The following TLK1 variants were observed in gnomAD, a reference collection of about 807,000 sequenced individuals.
TLK1 encodes tousled like kinase 1, also known as serine/threonine-protein kinase tousled-like 1.
In TLK1, 24 loss-of-function variants were observed where a neutral mutation model predicts 105.3. The ratio of observed to expected loss-of-function variants is 0.23; its 90% CI spans 0.17 to 0.32. The LOEUF (loss-of-function observed/expected upper bound fraction) is 0.32, where lower values mean the gene tolerates loss of function less well. TLK1 is among the 10% of genes least tolerant of loss of function. The pLI is 1.00. For synonymous variants in TLK1, 321 were observed against 310.4 expected (o/e 1.03, Z -0.36); for missense variants, 558 against 910.5 (o/e 0.61, Z 4.98).
At chr2:171,038,080 T>C (rs1686461370) in intron 11 of TLK1, among the ~76,000 whole-genome samples, 1 of 152,214 alleles carries the variant, frequency 6.6e-6, no homozygotes, top group Non-Finnish European at 1.5e-5. Flanking sequence ...TCAGTTTTGG[T>C]TCCACTGTAT....
rs2105368906 is a variant in TLK1 at position 171,011,530 on chromosome 2, C to CT, written c.1335-77dup. 3 of 1,177,382 alleles carry CT rather than the reference C, an allele frequency of 2.5e-6. No individual in the cohort carries two copies. In the East Asian group the frequency reaches 7.3e-5, roughly 29 times the overall value. The allele number at this position is 1,177,382 out of a possible 1,614,324, so 72.9% of individuals were successfully genotyped here. A position where few individuals can be genotyped will look rare whatever the true frequency, so the allele number is the denominator to read the frequency against. ...TCCTTCTACACTGAAGTTCTACTCT[C>CT]TTATTCTATTCCTAGCTATTTATTT... On this transcript the variant is annotated intron_variant, in intron 13 of 20. Coordinates refer to ENST00000431350, the MANE Select transcript of TLK1 (RefSeq NM_012290.5).
intron 1 of TLK1, among the ~76,000 whole-genome samples, chr2:171,145,847 T>C (rs1289444805): frequency 1.3e-5 from 2 of 152,164 alleles, no homozygotes; most frequent in Non-Finnish European, 2.9e-5. Context: ...TGGATCCATT[T>C]ATATCAAACT....
At chr2:171,020,717 G>A (rs963526736) in intron 12 of TLK1, among the ~76,000 whole-genome samples, 1 of 151,758 alleles carries the variant, frequency 6.6e-6, no homozygotes, top group African/African-American at 2.4e-5. Flanking sequence ...ATAAAAGCCA[G>A]CCAACCAACC....
At chr2:171,030,666 A>G (rs575877803) in intron 11 of TLK1, among the ~76,000 whole-genome samples, 2 of 152,364 alleles carry the variant, frequency 1.3e-5, no homozygotes, top group South Asian at 4.1e-4. Flanking sequence ...TCATAAATTC[A>G]TATTCTTAAA....
Position 171,040,566 on chromosome 2 carries a change from TTG to T in TLK1, c.1169+5606_1169+5607del, listed in dbSNP as rs1242148369. Among the ~76,000 whole-genome samples the T allele has an allele frequency of 1.8e-3, 172 of 97,204 alleles. 1 individual carries two copies. The highest frequency in any genetic ancestry group is 5.6e-3 in the African/African-American group (150 of 26,966). The allele number at this position is 97,204 out of a possible 152,430, so 63.8% of individuals were successfully genotyped here. On this transcript the variant is annotated intron_variant, in intron 11 of 20. Coordinates refer to ENST00000431350, the MANE Select transcript of TLK1 (RefSeq NM_012290.5). ...ATGTTATACAAAATATATTCCTTTT[TTG>T]TTTTTTTTTTTTTTTTTTTTTGAGA... is the stretch of plus-strand genomic sequence containing the variant.
intron 3 of TLK1, among the ~76,000 whole-genome samples, chr2:171,074,863 AAGG>A (rs71985283): frequency 0.026 from 4,029 of 152,138 alleles, 148 homozygotes; most frequent in African/African-American, 0.084. Flanking sequence ...CTAACATCTT[AAGG>A]AGGAGAACAG....
intron 1 of TLK1, among the ~76,000 whole-genome samples, chr2:171,124,542 T>C (rs1690790930): frequency 6.6e-6 from 1 of 152,202 alleles, no homozygotes; most frequent in Non-Finnish European, 1.5e-5. Context: ...GCTAGTTAAG[T>C]CCAAAAGAGC....
intron 12 of TLK1, among the ~76,000 whole-genome samples, chr2:171,018,007 C>T (rs1026612179): frequency 6.6e-6 from 1 of 152,178 alleles, no homozygotes. Context: ...AGAAAAAGTA[C>T]ATATATTGTG....
chr2:171,133,043 A>G (rs538365902), intron 1 of TLK1, among the ~76,000 whole-genome samples: 2 of 152,346 alleles, frequency 1.3e-5, no homozygotes, highest in South Asian at 4.1e-4. Context: ...CCAAGGAACT[A>G]TAACTTCTTG....
intron 1 of TLK1, among the ~76,000 whole-genome samples, chr2:171,189,477 T>G (rs1213569960): frequency 2.6e-5 from 4 of 152,194 alleles, no homozygotes; most frequent in Non-Finnish European, 5.9e-5. Context: ...ATTTCCTGAT[T>G]TTAAAATGTT....
intron 1 of TLK1, among the ~76,000 whole-genome samples, chr2:171,209,781 C>A (rs1311972453): frequency 1.3e-5 from 2 of 152,106 alleles, no homozygotes; most frequent in Admixed American, 6.5e-5. Flanking sequence ...AGAGAGAAAA[C>A]GGTCATCTAC....
At chr2:171,152,879 T>G (rs1371872542) in intron 1 of TLK1, among the ~76,000 whole-genome samples, 1 of 152,176 alleles carries the variant, frequency 6.6e-6, no homozygotes, top group Non-Finnish European at 1.5e-5. Flanking sequence ...TTGATGTATC[T>G]CTAACATTTT....
At chr2:171,044,521 G>GA (rs1279906782) in intron 11 of TLK1, among the ~76,000 whole-genome samples, 3 of 152,182 alleles carry the variant, frequency 2.0e-5, no homozygotes, top group African/African-American at 7.2e-5. Context: ...AACTAAGCAG[G>GA]ATGTGATATT....
intron 1 of TLK1, among the ~76,000 whole-genome samples, chr2:171,143,489 G>GAGTGGGAC (rs1160127607): frequency 1.0e-5 from 1 of 99,582 alleles, no homozygotes; most frequent in Non-Finnish European, 1.8e-5. Context: ...CTGGGCAGAA[G>GAGTGGGAC]AGTGGGACTC....
chr2:171,030,941 G>A (rs1331940666), intron 11 of TLK1, among the ~76,000 whole-genome samples: 1 of 151,544 alleles, frequency 6.6e-6, no homozygotes, highest in Non-Finnish European at 1.5e-5. Flanking sequence ...TGCAATTTAG[G>A]AGAAACGCTA....
At chr2:171,209,952 A>G (rs995860136) in intron 1 of TLK1, among the ~76,000 whole-genome samples, 15 of 152,216 alleles carry the variant, frequency 9.9e-5, no homozygotes, top group African/African-American at 2.7e-4. Flanking sequence ...CAATACTGAT[A>G]CACATTCTCA....
chr2:171,175,575 T>C (rs139746184), intron 1 of TLK1, among the ~76,000 whole-genome samples: 3 of 152,364 alleles, frequency 2.0e-5, no homozygotes, highest in African/African-American at 7.2e-5. Flanking sequence ...AAGGGACAAC[T>C]GTACATACAC....
intron 1 of TLK1, among the ~76,000 whole-genome samples, chr2:171,139,836 G>T (rs1052630302): frequency 6.6e-6 from 1 of 152,010 alleles, no homozygotes; most frequent in African/African-American, 2.4e-5. Flanking sequence ...GGGTGGGGTG[G>T]AGTGGAGATG....
intron 18 of TLK1, among the ~76,000 whole-genome samples, chr2:171,001,808 G>A (rs1280732519): frequency 4.6e-5 from 7 of 151,922 alleles, no homozygotes; most frequent in East Asian, 3.9e-4. Flanking sequence ...GAATGAGACC[G>A]AATCTTGCTG....
Sources: allele counts gnomAD v4.1 joint callset (sites outside exome capture counted in the v4.1 genomes callset), GRCh38; gene constraint gnomAD v4.1.1; transcripts MANE v1.5; gene names NCBI Gene and HGNC (gene_info 2026-07-23, HGNC 2026-07-21).